GAB1: variants seen among roughly 807,000 people sequenced by gnomAD.
GAB1 encodes GRB2-associated-binding protein 1.
GAB1 carries 19 observed loss-of-function variants against 66.5 expected under a neutral mutation model. The observed-to-expected ratio is 0.29, with a 90% CI of 0.20 to 0.42. The LOEUF (loss-of-function observed/expected upper bound fraction) is 0.42. GAB1 is among the 10% of genes least tolerant of loss of function. The probability of loss-of-function intolerance (pLI) is 1.00; values close to 1 mark genes in which losing one functional copy is unlikely to be tolerated. For synonymous variants in GAB1, 294 were observed against 301.4 expected (o/e 0.98, Z 0.25); for missense variants, 732 against 858.5 (o/e 0.85, Z 1.84).
intron 1 of GAB1, among the ~76,000 whole-genome samples, chr4:143,338,712 G>GGGGTGT (rs71588246): frequency 2.0e-5 from 3 of 149,180 alleles, no homozygotes; most frequent in African/African-American, 7.5e-5. Flanking sequence ...GAAAGGTAGG[G>GGGGTGT]GTGTGTGTGT....
In GAB1 at chr4:143,469,064, G is replaced by T; in HGVS notation, c.1960G>T (p.Asp654Tyr). Residue 654 changes from aspartate to tyrosine, a missense_variant, in exon 10 of 10, where the codon GAT (aspartate) becomes TAT (tyrosine). Transcript: ENST00000262994. ...CAGTGGCTCAGGCAGCAGTGTAGCA[G>T]ATGAGAGAGTGGATTATGTTGTTGT... Reference protein sequence around the residue: ...KSSGSGSSVADERVDYVVVDQ... With the variant: ...KSSGSGSSVAYERVDYVVVDQ... 6.2e-7 allele frequency: 1 copy of T among 1,614,176 alleles called. No individual in the cohort carries two copies. The highest frequency in any genetic ancestry group is 8.5e-7 in the Non-Finnish European group (1 of 1,180,002).
intron 3 of GAB1, among the ~76,000 whole-genome samples, chr4:143,434,366 CT>C (rs11389050): frequency 0.022 from 3,046 of 137,398 alleles, 66 homozygotes; most frequent in African/African-American, 0.066. Context: ...TTTTATTTAT[CT>C]TTTTTTTTTT....
chr4:143,442,081 C>CTAGTCATT (rs1560773886), intron 6 of GAB1, among the ~76,000 whole-genome samples: 1 of 152,146 alleles, frequency 6.6e-6, no homozygotes, highest in Non-Finnish European at 1.5e-5. Context: ...TAGACAACTA[C>CTAGTCATT]TAGTCATTTT....
intron 8 of GAB1, among the ~76,000 whole-genome samples, chr4:143,464,012 G>T (rs976018384): frequency 6.6e-6 from 1 of 152,274 alleles, no homozygotes; most frequent in African/African-American, 2.4e-5. Context: ...TCAGAGAAAT[G>T]GAGGGTATGG....
intron 1 of GAB1, among the ~76,000 whole-genome samples, chr4:143,353,438 A>G (rs1291927217): frequency 6.6e-6 from 1 of 152,212 alleles, no homozygotes; most frequent in Non-Finnish European, 1.5e-5. Context: ...TTTAAAGTCC[A>G]CATTAGAGAA....
chr4:143,457,880 A>G lies in GAB1; in HGVS notation c.1586-1505A>G, dbSNP rs562859718. Reference sequence around the variant, plus strand: ...AACCTTAAATACTACTGCTGTTGTAAATAAAACTTTCCTGCACATTATTTC... The same window carrying G: ...AACCTTAAATACTACTGCTGTTGTAGATAAAACTTTCCTGCACATTATTTC... On this transcript the variant is annotated intron_variant, in intron 6 of 9. Coordinates refer to ENST00000262994, the MANE Select transcript of GAB1 (RefSeq NM_002039.4). 30 of 618,060 alleles carry G rather than the reference A, an allele frequency of 4.9e-5. No individual in the cohort carries two copies. The South Asian group carries it at 6.1e-4, about 13-fold the overall frequency. 38.3% of individuals were successfully genotyped at this position (618,060 alleles called of 1,614,324 possible).
At chr4:143,457,958 C>T (rs1735282926) in intron 6 of GAB1, among the ~76,000 whole-genome samples, 1 of 152,220 alleles carries the variant, frequency 6.6e-6, no homozygotes, top group African/African-American at 2.4e-5. Flanking sequence ...CTGCCATTAA[C>T]AACAGCATGT....
chr4:143,378,410 A>G (rs9991495), intron 1 of GAB1, among the ~76,000 whole-genome samples: 9,037 of 152,286 alleles, frequency 0.059, 327 homozygotes, highest in African/African-American at 0.1. Context: ...GTCCTATGCA[A>G]ATATACAATA....
chr4:143,440,488 T>G lies in GAB1; in HGVS notation c.1585+106T>G, dbSNP rs546375009. Reference sequence around the variant, plus strand: ...AATTTGGACTAGAAATTCTGAAATATTTCATAGTTCCATAGCCATCAAGTT... The same window carrying G: ...AATTTGGACTAGAAATTCTGAAATAGTTCATAGTTCCATAGCCATCAAGTT... On this transcript the variant is annotated intron_variant, in intron 6 of 9. Transcript: ENST00000262994. The G allele has an allele frequency of 1.1e-5, 12 of 1,094,116 alleles. No individual in the cohort carries two copies. In the East Asian group the frequency reaches 1.8e-4, roughly 17 times the overall value. The allele number at this position is 1,094,116 out of a possible 1,614,324, so 67.8% of individuals were successfully genotyped here.
chr4:143,459,931 G>C (rs1332927739), intron 7 of GAB1, among the ~76,000 whole-genome samples: 1 of 152,092 alleles, frequency 6.6e-6, no homozygotes, highest in Non-Finnish European at 1.5e-5. Context: ...GTCTCTTGTG[G>C]AGATTATTTA....
chr4:143,425,001 C>T, intron 2 of GAB1: 2 of 696,460 alleles, frequency 2.9e-6, no homozygotes, highest in Non-Finnish European at 5.2e-6. Flanking sequence ...CAGAGGGGTC[C>T]ATACGGCGTT....
chr4:143,353,492 A>C (rs1729310440), intron 1 of GAB1, among the ~76,000 whole-genome samples: 1 of 152,228 alleles, frequency 6.6e-6, no homozygotes, highest in Non-Finnish European at 1.5e-5. Flanking sequence ...AAATTGGTCA[A>C]GAAGTGGACC....
chr4:143,364,987 C>T (rs1390867088), intron 1 of GAB1, among the ~76,000 whole-genome samples: 2 of 149,708 alleles, frequency 1.3e-5, no homozygotes, highest in African/African-American at 5.0e-5. Flanking sequence ...ATGCCATTCT[C>T]CTGCCTCAGC....
At chr4:143,364,807 C>T (rs1001816863) in intron 1 of GAB1, among the ~76,000 whole-genome samples, 1 of 149,678 alleles carries the variant, frequency 6.7e-6, no homozygotes, top group African/African-American at 2.5e-5. Flanking sequence ...TAGTTGGCAT[C>T]GAGATCTGTG....
intron 1 of GAB1, among the ~76,000 whole-genome samples, chr4:143,363,586 C>A (rs1229049237): frequency 6.6e-6 from 1 of 152,108 alleles, no homozygotes; most frequent in Non-Finnish European, 1.5e-5. Context: ...GGAAAATAAG[C>A]CATTGGAGTG....
At chr4:143,337,926 A>C (rs1193522817) in intron 1 of GAB1, among the ~76,000 whole-genome samples, 3 of 152,106 alleles carry the variant, frequency 2.0e-5, no homozygotes, top group African/African-American at 4.8e-5. Context: ...TTGCTGCGAG[A>C]GGAGGGCGCT....
At chr4:143,371,394 T>A (rs1730116520) in intron 1 of GAB1, among the ~76,000 whole-genome samples, 1 of 152,128 alleles carries the variant, frequency 6.6e-6, no homozygotes, top group South Asian at 2.1e-4. Flanking sequence ...TTTGATGGGG[T>A]TGTTTGATTT....
chr4:143,405,979 A>G (rs760376292), intron 1 of GAB1, among the ~76,000 whole-genome samples: 5 of 152,048 alleles, frequency 3.3e-5, no homozygotes, highest in Admixed American at 6.5e-5. Flanking sequence ...AAAAAAAGCC[A>G]TTCCTAAGCA....
At chr4:143,378,329 C>T (rs573462175) in intron 1 of GAB1, among the ~76,000 whole-genome samples, 3 of 152,270 alleles carry the variant, frequency 2.0e-5, no homozygotes, top group East Asian at 1.9e-4. Context: ...GCCTCAGTTT[C>T]TTTTAATGTC....
Sources: gnomAD v4.1 joint callset for allele counts (sites outside exome capture counted in the v4.1 genomes callset) on GRCh38, gnomAD v4.1.1 for gene constraint, MANE v1.5 for transcripts, NCBI Gene and HGNC (gene_info 2026-07-23, HGNC 2026-07-21) for gene names.